MRPL3: variants seen among roughly 807,000 people sequenced by gnomAD.
MRPL3 encodes the protein large ribosomal subunit protein uL3m.
A neutral mutation model predicts 44.3 loss-of-function variants in MRPL3; 43 were observed. The observed-to-expected ratio is 0.97, with a 90% confidence interval of 0.76 to 1.25. The LOEUF (loss-of-function observed/expected upper bound fraction) is 1.25. Among genes scored for constraint, MRPL3 ranks in the 50% most tolerant of loss-of-function variants. The pLI is 0.00. For synonymous variants in MRPL3, 171 were observed against 152.3 expected, an observed-to-expected ratio of 1.12 and a Z score of -0.91; for missense variants, 406 against 427.6, an observed-to-expected ratio of 0.95 and a Z score of 0.45.
chr3:131,482,299 G>A (rs187136283), intron 6 of MRPL3, among the ~76,000 whole-genome samples: 4 of 152,068 alleles, frequency 2.6e-5, no homozygotes, highest in African/African-American at 4.8e-5. Context: ...GGCGGATCAC[G>A]AGGTCAGGAG....
At chr3:131,480,527 A>G (rs1448551176) in intron 6 of MRPL3, among the ~76,000 whole-genome samples, 1 of 152,226 alleles carries the variant, frequency 6.6e-6, no homozygotes, top group Non-Finnish European at 1.5e-5. Flanking sequence ...CAAGAGTGCA[A>G]GGAGTGCACT....
At chr3:131,480,911 A>T (rs566753133) in intron 6 of MRPL3, among the ~76,000 whole-genome samples, 6 of 152,316 alleles carry the variant, frequency 3.9e-5, no homozygotes, top group Non-Finnish European at 7.3e-5. Flanking sequence ...AAACCTTAGA[A>T]ACCATTTAGC....
intron 4 of MRPL3, among the ~76,000 whole-genome samples, chr3:131,495,850 C>T (rs917740717): frequency 1.3e-5 from 2 of 152,102 alleles, no homozygotes; most frequent in Non-Finnish European, 2.9e-5. Flanking sequence ...CAATGTGAGA[C>T]TTTCAGAACT....
At chr3:131,476,848 A>G (rs1236333851) in intron 6 of MRPL3, among the ~76,000 whole-genome samples, 1 of 152,206 alleles carries the variant, frequency 6.6e-6, no homozygotes, top group Non-Finnish European at 1.5e-5. Flanking sequence ...GTTACTGGCT[A>G]TAGCTGTGTC....
intron 4 of MRPL3, among the ~76,000 whole-genome samples, chr3:131,494,100 C>T (rs1349438675): frequency 6.6e-6 from 1 of 152,196 alleles, no homozygotes; most frequent in Non-Finnish European, 1.5e-5. Flanking sequence ...TACAACTTAC[C>T]AGGAATCCCC....
At chr3:131,467,240 G>A (rs1046779799) in intron 9 of MRPL3, among the ~76,000 whole-genome samples, 4 of 150,910 alleles carry the variant, frequency 2.7e-5, no homozygotes, top group South Asian at 4.2e-4. Context: ...CCATACGCGC[G>A]CACACACACA....
At chr3:131,475,239 A>G (rs1214538012) in intron 6 of MRPL3, among the ~76,000 whole-genome samples, 1 of 152,264 alleles carries the variant, frequency 6.6e-6, no homozygotes, top group African/African-American at 2.4e-5. Flanking sequence ...AAAAAGAAAA[A>G]GATTATAAAA....
At chr3:131,471,406 T>C in intron 6 of MRPL3, 127 bp from the exon 7 acceptor site, 1 of 665,644 alleles carries the variant, frequency 1.5e-6, no homozygotes, top group Non-Finnish European at 2.6e-6. Flanking sequence ...TTTAAATAAC[T>C]AGAAAAGGCT....
intron 6 of MRPL3, among the ~76,000 whole-genome samples, chr3:131,482,728 C>T (rs1324794238): frequency 6.6e-6 from 1 of 150,798 alleles, no homozygotes. Context: ...ATTTTAAGTA[C>T]CTGAAGTCTT....
At chr3:131,475,004 A>C (rs1933824556) in intron 6 of MRPL3, among the ~76,000 whole-genome samples, 1 of 152,044 alleles carries the variant, frequency 6.6e-6, no homozygotes, top group South Asian at 2.1e-4. Flanking sequence ...CTGGTCTCGA[A>C]CTTCTAGCCT....
chr3:131,480,695 A>G (rs527340275), intron 6 of MRPL3, among the ~76,000 whole-genome samples: 4 of 152,302 alleles, frequency 2.6e-5, no homozygotes, highest in African/African-American at 7.2e-5. Flanking sequence ...GAAAACACAA[A>G]TAAACAATTC....
At chr3:131,481,741 A>T (rs535852341) in intron 6 of MRPL3, among the ~76,000 whole-genome samples, 27 of 152,346 alleles carry the variant, frequency 1.8e-4, no homozygotes, top group Non-Finnish European at 2.9e-4. Context: ...AAGAGGGATT[A>T]ATTTTTACAA....
At chr3:131,470,331 G>C (rs924799959) in intron 7 of MRPL3, among the ~76,000 whole-genome samples, 1 of 152,020 alleles carries the variant, frequency 6.6e-6, no homozygotes, top group Non-Finnish European at 1.5e-5. Context: ...TCTGATAACG[G>C]GTAATAGTTC....
chr3:131,500,610 G>A lies in MRPL3; in HGVS notation c.278-89C>T, dbSNP rs1156777326. On this transcript the variant is annotated intron_variant, in intron 2 of 9. Transcript: ENST00000264995. ...TCGTTTTTCCTAAAATCAGGTTTCC[G>A]TATGAGGAGCAGGCACGTAAGAAAT... 12 of 1,021,398 alleles carry A rather than the reference G, an allele frequency of 1.2e-5. No individual in the cohort carries two copies. In the African/African-American group the frequency reaches 1.3e-4, roughly 11 times the overall value. 63.3% of individuals were successfully genotyped at this position (1,021,398 alleles called of 1,614,324 possible).
chr3:131,498,460 T>C (rs952203942), intron 3 of MRPL3, among the ~76,000 whole-genome samples, 183 bp from the exon 4 acceptor site: 1 of 151,548 alleles, frequency 6.6e-6, no homozygotes, highest in East Asian at 1.9e-4. Context: ...ATACACACTT[T>C]GGGAGGCCGA....
In MRPL3 at chr3:131,502,963, G is replaced by A; in HGVS notation, c.-142C>T. Reference sequence around the variant, plus strand: ...GCCGCCGGAACGGTCGCCGGCCGATGCTCTCTGCGACGGAAAGAAAGCCGC... The same window carrying A: ...GCCGCCGGAACGGTCGCCGGCCGATACTCTCTGCGACGGAAAGAAAGCCGC... On this transcript the variant is annotated 5_prime_UTR_variant, in exon 1 of 10. Coordinates refer to ENST00000264995, the MANE Select transcript of MRPL3 (RefSeq NM_007208.4). 2 of 788,042 alleles carry A rather than the reference G, an allele frequency of 2.5e-6. No homozygotes were observed. The highest frequency in any genetic ancestry group is 4.3e-6 in the Non-Finnish European group (2 of 464,214). 48.8% of individuals were successfully genotyped at this position (788,042 alleles called of 1,614,324 possible). A position where few individuals can be genotyped will look rare whatever the true frequency, so the allele number is the denominator to read the frequency against.
At chr3:131,498,451 T>C (rs1359096967) in intron 3 of MRPL3, among the ~76,000 whole-genome samples, 174 bp from the exon 4 acceptor site, 1 of 150,976 alleles carries the variant, frequency 6.6e-6, no homozygotes, top group Non-Finnish European at 1.5e-5. Flanking sequence ...AAAGATTAAA[T>C]ACACACTTTG....
intron 6 of MRPL3, among the ~76,000 whole-genome samples, chr3:131,475,825 T>C (rs1274774895): frequency 6.6e-6 from 1 of 152,192 alleles, no homozygotes; most frequent in East Asian, 1.9e-4. Context: ...AATTGGAAAG[T>C]ACAGTGCTTG....
At chr3:131,463,993 A>C (rs1933547285) in intron 9 of MRPL3, among the ~76,000 whole-genome samples, 1 of 152,138 alleles carries the variant, frequency 6.6e-6, no homozygotes. Flanking sequence ...ATCTACTTTA[A>C]TCCCTCTTAT....
Sources: allele counts gnomAD v4.1 joint callset (sites outside exome capture counted in the v4.1 genomes callset), GRCh38; gene constraint gnomAD v4.1.1; transcripts MANE v1.5; gene names NCBI Gene and HGNC (gene_info 2026-07-23, HGNC 2026-07-21).